The following ENOX1 variants were observed in gnomAD, a reference collection of about 807,000 sequenced individuals.
ENOX1 encodes the protein candidate growth-related and time keeping constitutive hydroquinone (NADH) oxidase.
A neutral mutation model predicts 82.5 loss-of-function variants in ENOX1; 42 were observed. That is an observed-to-expected ratio of 0.51 (90% CI 0.40 to 0.66). The LOEUF is 0.66. Among genes scored for constraint, ENOX1 ranks in the 30% least tolerant of loss-of-function variants. ENOX1 has a pLI of 0.00. For missense variants in ENOX1, 608 were observed against 811.6 expected (o/e 0.75, Z 3.05); for synonymous variants, 271 against 282.2 (o/e 0.96, Z 0.40).
intron 16 of ENOX1, among the ~76,000 whole-genome samples, chr13:43,222,319 G>A (rs745514408): frequency 5.5e-5 from 8 of 145,994 alleles, no homozygotes; most frequent in East Asian, 2.2e-4. Context: ...CCCCCTCCCC[G>A]CCAGCCAAAA....
chr13:43,780,060 C>T (rs796095899), intron 1 of ENOX1, among the ~76,000 whole-genome samples: 11 of 151,852 alleles, frequency 7.2e-5, no homozygotes, highest in African/African-American at 2.2e-4. Flanking sequence ...ACTCGGGAGA[C>T]TGAGGCAGGA....
At chr13:43,699,425 C>G (rs1051324788) in intron 1 of ENOX1, among the ~76,000 whole-genome samples, 1 of 152,168 alleles carries the variant, frequency 6.6e-6, no homozygotes, top group Non-Finnish European at 1.5e-5. Context: ...TGCAACAGAG[C>G]GTTCTTAAAG....
chr13:43,496,303 TCAA>T (rs2076790587), intron 2 of ENOX1, among the ~76,000 whole-genome samples: 1 of 152,110 alleles, frequency 6.6e-6, no homozygotes, highest in Non-Finnish European at 1.5e-5. Flanking sequence ...ATACTTTGAA[TCAA>T]TTTTTGTGTA....
chr13:43,284,767 T>G (rs2045589851), intron 12 of ENOX1, among the ~76,000 whole-genome samples: 1 of 128,398 alleles, frequency 7.8e-6, no homozygotes, highest in Non-Finnish European at 1.7e-5. Context: ...GGCTATTTGT[T>G]AAAGGTGTGT....
chr13:43,578,481 A>G (rs1283862839), intron 2 of ENOX1, among the ~76,000 whole-genome samples: 2 of 152,176 alleles, frequency 1.3e-5, no homozygotes, highest in African/African-American at 4.8e-5. Flanking sequence ...TACTTAATAT[A>G]CTTAATGACA....
chr13:43,606,758 G>C (rs113858960), intron 2 of ENOX1, among the ~76,000 whole-genome samples: 1 of 152,256 alleles, frequency 6.6e-6, no homozygotes, highest in African/African-American at 2.4e-5. Context: ...GCTCAGGCCT[G>C]TAGTCCCAGA....
At chr13:43,260,484 A>G (rs2043993451) in intron 14 of ENOX1, among the ~76,000 whole-genome samples, 2 of 152,130 alleles carry the variant, frequency 1.3e-5, no homozygotes, top group African/African-American at 4.8e-5. Context: ...AATTCATGGA[A>G]AGCTTTTAGA....
intron 8 of ENOX1, among the ~76,000 whole-genome samples, chr13:43,348,164 C>T (rs2153548755): frequency 6.6e-6 from 1 of 152,346 alleles, no homozygotes; most frequent in African/African-American, 2.4e-5. Flanking sequence ...CCTCAAGATT[C>T]AGCGTAAGTG....
intron 11 of ENOX1, among the ~76,000 whole-genome samples, chr13:43,299,145 G>T (rs2046433973): frequency 6.6e-6 from 1 of 152,168 alleles, no homozygotes; most frequent in Admixed American, 6.5e-5. Flanking sequence ...CTACAAGGCT[G>T]AGTGGTTACT....
intron 2 of ENOX1, among the ~76,000 whole-genome samples, chr13:43,503,471 T>C (rs2077048254): frequency 6.6e-6 from 1 of 151,722 alleles, no homozygotes; most frequent in African/African-American, 2.4e-5. Flanking sequence ...TCACATTTCC[T>C]GACTTCAAAA....
At chr13:43,298,670 G>T (rs2046408219) in intron 11 of ENOX1, 140 bp from the exon 12 acceptor site, 5 of 652,422 alleles carry the variant, frequency 7.7e-6, no homozygotes, top group African/African-American at 1.8e-5. Flanking sequence ...CCACTCCCTG[G>T]GCCTCTCTTT....
intron 1 of ENOX1, among the ~76,000 whole-genome samples, chr13:43,766,864 C>A (rs1164511902): frequency 1.3e-5 from 2 of 152,154 alleles, no homozygotes; most frequent in Non-Finnish European, 2.9e-5. Flanking sequence ...TTATCATAAG[C>A]TAGTTGGCCC....
chr13:43,392,931 T>A (rs191911744), intron 5 of ENOX1, among the ~76,000 whole-genome samples: 1 of 152,356 alleles, frequency 6.6e-6, no homozygotes, highest in Non-Finnish European at 1.5e-5. Flanking sequence ...CTTTTCTCTG[T>A]GTTCAGCCAC....
intron 2 of ENOX1, among the ~76,000 whole-genome samples, chr13:43,649,847 C>T (rs2084073827): frequency 6.6e-6 from 1 of 152,186 alleles, no homozygotes; most frequent in Admixed American, 6.5e-5. Context: ...AAGTCCCAAT[C>T]CTCTGAGCTC....
intron 1 of ENOX1, among the ~76,000 whole-genome samples, chr13:43,685,332 C>T (rs1398544686): frequency 6.6e-6 from 1 of 152,124 alleles, no homozygotes; most frequent in South Asian, 2.1e-4. Context: ...AGAAGAGGAG[C>T]TTTTTGATGC....
intron 1 of ENOX1, among the ~76,000 whole-genome samples, chr13:43,763,036 G>A (rs561054981): frequency 1.2e-4 from 18 of 152,226 alleles, no homozygotes; most frequent in South Asian, 6.2e-4. Context: ...AACTGAAATC[G>A]TCATTTTTGG....
chr13:43,370,063 G>T (rs935918239), intron 5 of ENOX1, among the ~76,000 whole-genome samples: 3 of 152,182 alleles, frequency 2.0e-5, no homozygotes, highest in Admixed American at 6.5e-5. Context: ...ACTGTAGCAC[G>T]TGCTTACAGA....
At chr13:43,421,932 A>T (rs2153607319) in intron 3 of ENOX1, among the ~76,000 whole-genome samples, 1 of 151,294 alleles carries the variant, frequency 6.6e-6, no homozygotes, top group Admixed American at 6.6e-5. Flanking sequence ...AGGAGGAAAG[A>T]AGAGAGGAAA....
intron 2 of ENOX1, among the ~76,000 whole-genome samples, chr13:43,591,709 C>G (rs972803002): frequency 3.3e-5 from 5 of 152,236 alleles, no homozygotes; most frequent in Non-Finnish European, 7.3e-5. Flanking sequence ...GAGTTGGGAA[C>G]GAGCAGCAAA....
Sources: allele counts gnomAD v4.1 joint callset (sites outside exome capture counted in the v4.1 genomes callset), GRCh38; gene constraint gnomAD v4.1.1; transcripts MANE v1.5; gene names NCBI Gene and HGNC (gene_info 2026-07-23, HGNC 2026-07-21).